ADCY8: variants seen among roughly 807,000 people sequenced by gnomAD.
ADCY8 encodes the protein adenylate cyclase 8.
Under a neutral mutation model 119.7 loss-of-function variants are expected in ADCY8, and 51 were observed. The observed-to-expected ratio is 0.43, with a 90% CI of 0.34 to 0.54. ADCY8 has a LOEUF of 0.54. Ranked by LOEUF, ADCY8 falls within the 20% of genes least tolerant of loss-of-function variation. The probability of loss-of-function intolerance (pLI) is 0.03; values close to 1 mark genes in which losing one functional copy is unlikely to be tolerated. For synonymous variants in ADCY8, 665 were observed against 651.0 expected, an observed-to-expected ratio of 1.02 and a Z score of -0.33; for missense variants, 1,383 against 1,598.8, an observed-to-expected ratio of 0.87 and a Z score of 2.30.
chr8:130,965,729 T>C (rs1821742639), intron 2 of ADCY8, among the ~76,000 whole-genome samples: 1 of 152,238 alleles, frequency 6.6e-6, no homozygotes, highest in African/African-American at 2.4e-5. Context: ...TTTTTAAAAA[T>C]GGCTCAGCAT....
intron 2 of ADCY8, among the ~76,000 whole-genome samples, chr8:130,971,034 C>T (rs113680546): frequency 1.1e-3 from 164 of 152,228 alleles, no homozygotes; most frequent in African/African-American, 3.8e-3. Flanking sequence ...ACATTAGGTA[C>T]TGATGTTATT....
chr8:130,892,114 C>T (rs1238147376), intron 7 of ADCY8: 5 of 152,100 alleles, frequency 3.3e-5, no homozygotes, highest in African/African-American at 1.2e-4. Flanking sequence ...ATAATAGTCT[C>T]ATAGCTTCTG....
chr8:130,967,005 A>G (rs1411067129), intron 2 of ADCY8, among the ~76,000 whole-genome samples: 1 of 152,226 alleles, frequency 6.6e-6, no homozygotes, highest in African/African-American at 2.4e-5. Context: ...GGGGAAATGA[A>G]TAGACCTCAT....
chr8:130,889,647 G>A (rs1014893239), intron 7 of ADCY8, among the ~76,000 whole-genome samples: 3 of 152,100 alleles, frequency 2.0e-5, no homozygotes, highest in Non-Finnish European at 2.9e-5. Flanking sequence ...TTCTTCACCA[G>A]GCACATGAAA....
intron 2 of ADCY8, among the ~76,000 whole-genome samples, chr8:130,983,473 C>T (rs1437058158): frequency 6.6e-6 from 1 of 152,136 alleles, no homozygotes; most frequent in Non-Finnish European, 1.5e-5. Context: ...GGCAGAGAAG[C>T]AGAGAGGGAG....
At chr8:130,944,706 G>A (rs867902133) in intron 3 of ADCY8, among the ~76,000 whole-genome samples, 96 of 152,174 alleles carry the variant, frequency 6.3e-4, no homozygotes, top group African/African-American at 1.7e-3. Context: ...TTTACCTTCC[G>A]CAAAGTCCAT....
At chr8:130,793,315 G>A (rs556619098) in intron 15 of ADCY8, among the ~76,000 whole-genome samples, 48 of 152,042 alleles carry the variant, frequency 3.2e-4, no homozygotes, top group Admixed American at 8.5e-4. Context: ...CCAGGTCGGG[G>A]GATTTTTTGA....
intron 5 of ADCY8, among the ~76,000 whole-genome samples, chr8:130,932,827 A>G (rs1820672179): frequency 6.6e-6 from 1 of 152,162 alleles, no homozygotes. Context: ...TGATATTGGC[A>G]CCCTATCCTA....
intron 11 of ADCY8, among the ~76,000 whole-genome samples, chr8:130,846,459 T>C (rs1817298612): frequency 6.6e-6 from 1 of 152,104 alleles, no homozygotes; most frequent in African/African-American, 2.4e-5. Flanking sequence ...CAGTTAAGTT[T>C]AGTTCTAATT....
rs144945117 is a variant in ADCY8, at chr8:130,873,712, T to C, written c.2110-5766A>G. Among the ~76,000 whole-genome samples the C allele has an allele frequency of 9.2e-5, 14 of 152,322 alleles. No individual in the cohort carries two copies. The East Asian group carries it at 2.7e-3, about 29-fold the overall frequency. On this transcript the variant is annotated intron_variant, in intron 8 of 17. Transcript: ENST00000286355. ...GTCATCTTGCTCCAATCTTTACTAA[T>C]GCCAGTTTAACTCACTAATATCTCT... is the stretch of plus-strand genomic sequence containing the variant.
chr8:130,925,108 G>A (rs1820422957), intron 5 of ADCY8, among the ~76,000 whole-genome samples: 1 of 152,116 alleles, frequency 6.6e-6, no homozygotes. Context: ...GGGAGGCTGA[G>A]GCAGGAGAAT....
intron 5 of ADCY8, among the ~76,000 whole-genome samples, chr8:130,919,541 A>G (rs1450895238): frequency 6.6e-6 from 1 of 152,130 alleles, no homozygotes; most frequent in African/African-American, 2.4e-5. Context: ...TTGGGAAGAA[A>G]AGGTCCTGAT....
intron 1 of ADCY8, among the ~76,000 whole-genome samples, chr8:131,015,134 A>C (rs1823429656): frequency 6.6e-6 from 1 of 152,336 alleles, no homozygotes; most frequent in East Asian, 1.9e-4. Flanking sequence ...CAGTTTCTTC[A>C]ATTTGGTGAG....
intron 7 of ADCY8, among the ~76,000 whole-genome samples, chr8:130,896,257 G>A (rs74540670): frequency 2.6e-5 from 4 of 152,064 alleles, no homozygotes; most frequent in Non-Finnish European, 4.4e-5. Flanking sequence ...CCCCACCTTC[G>A]TCTCTATCCC....
At chr8:130,878,215 C>T (rs116020711) in intron 8 of ADCY8, among the ~76,000 whole-genome samples, 1,902 of 152,204 alleles carry the variant, frequency 0.012, 43 homozygotes, top group African/African-American at 0.043. Context: ...TGTCTTTCAA[C>T]GAAGACTAAA....
Position 131,002,896 on chromosome 8 carries a change from A to T in ADCY8, c.961-12354T>A, listed in dbSNP as rs532862128. ...AAAAGAACAGGGATATAAGGTTTTT[A>T]AAAAAATGAATTTAAAAAACTAAGG... On this transcript the variant is annotated intron_variant, in intron 1 of 17. Coordinates refer to ENST00000286355, the MANE Select transcript of ADCY8 (RefSeq NM_001115.3). Among the ~76,000 whole-genome samples, 23 of 152,240 alleles carry T rather than the reference A, an allele frequency of 1.5e-4. No homozygotes were observed. In the East Asian group the frequency reaches 4.4e-3, roughly 29 times the overall value.
intron 1 of ADCY8, among the ~76,000 whole-genome samples, chr8:131,034,129 G>A (rs557420568): frequency 6.6e-6 from 1 of 152,130 alleles, no homozygotes; most frequent in South Asian, 2.1e-4. Flanking sequence ...AAATGAGTAC[G>A]TACCTTGATA....
At chr8:131,019,599 G>A (rs1302486723) in intron 1 of ADCY8, among the ~76,000 whole-genome samples, 1 of 152,136 alleles carries the variant, frequency 6.6e-6, no homozygotes, top group Non-Finnish European at 1.5e-5. Flanking sequence ...CACCTTCTTG[G>A]ACATACACAT....
intron 17 of ADCY8, among the ~76,000 whole-genome samples, 160 bp from the exon 18 acceptor site, chr8:130,781,037 G>A (rs263248): frequency 0.041 from 6,215 of 152,148 alleles, 182 homozygotes; most frequent in South Asian, 0.075. Flanking sequence ...GTATCACCTG[G>A]GTCAGTTAAT....
Sources: allele counts gnomAD v4.1 joint callset (sites outside exome capture counted in the v4.1 genomes callset), GRCh38; gene constraint gnomAD v4.1.1; transcripts MANE v1.5; gene names NCBI Gene and HGNC (gene_info 2026-07-23, HGNC 2026-07-21).